Variants in UIMC1 observed in about 807,000 individuals in gnomAD.
UIMC1 encodes BRCA1-A complex subunit RAP80.
Under a neutral mutation model 84.9 loss-of-function variants are expected in UIMC1, and 42 were observed. That is an observed-to-expected ratio of 0.49 (90% CI 0.39 to 0.64). The LOEUF (loss-of-function observed/expected upper bound fraction) is 0.64. UIMC1 is among the 30% of genes least tolerant of loss of function. The pLI is 0.00. For synonymous variants in UIMC1, 281 were observed against 293.0 expected, an observed-to-expected ratio of 0.96 and a Z score of 0.42; for missense variants, 825 against 847.6, an observed-to-expected ratio of 0.97 and a Z score of 0.33.
At chr5:176,988,679 ATTTT>A (rs377752493) in intron 1 of UIMC1, among the ~76,000 whole-genome samples, 6 of 135,778 alleles carry the variant, frequency 4.4e-5, no homozygotes, top group African/African-American at 1.4e-4. Context: ...TGTTAGGTGA[ATTTT>A]TTTTTTTTTT....
intron 9 of UIMC1, among the ~76,000 whole-genome samples, chr5:176,944,768 G>C (rs1764876226): frequency 6.6e-6 from 1 of 152,140 alleles, no homozygotes; most frequent in Non-Finnish European, 1.5e-5. Context: ...TAAATACCAA[G>C]TCAAACTGCC....
intron 1 of UIMC1, among the ~76,000 whole-genome samples, chr5:177,016,811 T>C (rs565723180): frequency 8.3e-4 from 126 of 152,030 alleles, no homozygotes; most frequent in African/African-American, 3.0e-3. Flanking sequence ...TCACCTGAGG[T>C]CAGGAGTTCA....
At chr5:176,992,290 T>C (rs1254788999) in intron 1 of UIMC1, among the ~76,000 whole-genome samples, 1 of 152,158 alleles carries the variant, frequency 6.6e-6, no homozygotes, top group Non-Finnish European at 1.5e-5. Flanking sequence ...ATATTTTTTA[T>C]TGAATTCTCA....
chr5:176,939,489 A>C (rs899129309), intron 10 of UIMC1, among the ~76,000 whole-genome samples: 24 of 152,262 alleles, frequency 1.6e-4, no homozygotes, highest in Admixed American at 4.6e-4. Flanking sequence ...TATTTTTACT[A>C]TACCTTTTCT....
chr5:176,967,889 C>A (rs1171112269), intron 6 of UIMC1, among the ~76,000 whole-genome samples: 6 of 141,498 alleles, frequency 4.2e-5, no homozygotes, highest in African/African-American at 1.4e-4. Context: ...GGTGACAGAG[C>A]GAGACCTTGT....
intron 9 of UIMC1, among the ~76,000 whole-genome samples, chr5:176,945,131 A>G (rs929177988): frequency 1.3e-5 from 2 of 152,228 alleles, no homozygotes; most frequent in African/African-American, 4.8e-5. Context: ...TGTTTCTGGA[A>G]GCGGATCCTG....
intron 10 of UIMC1, among the ~76,000 whole-genome samples, chr5:176,936,708 C>T (rs1361433509): frequency 6.6e-6 from 1 of 152,128 alleles, no homozygotes; most frequent in Non-Finnish European, 1.5e-5. Flanking sequence ...ATTTATTGTT[C>T]CTTCTACCTG....
intron 8 of UIMC1, among the ~76,000 whole-genome samples, chr5:176,954,758 A>G (rs1766378141): frequency 6.6e-6 from 1 of 151,568 alleles, no homozygotes; most frequent in South Asian, 2.1e-4. Flanking sequence ...AAAAAAAAAA[A>G]AAAAAGAAAA....
At chr5:176,927,863 T>A (rs1009879566) in intron 10 of UIMC1, among the ~76,000 whole-genome samples, 1 of 151,534 alleles carries the variant, frequency 6.6e-6, no homozygotes. Flanking sequence ...TTTTTTTTTT[T>A]TTTTTGAGAC....
At chr5:176,952,421 T>C (rs995867938) in intron 8 of UIMC1, among the ~76,000 whole-genome samples, 1 of 152,186 alleles carries the variant, frequency 6.6e-6, no homozygotes, top group African/African-American at 2.4e-5. Flanking sequence ...TGGGGTCCCT[T>C]GTAGTCTAGT....
intron 8 of UIMC1, among the ~76,000 whole-genome samples, chr5:176,953,495 T>TACACAC (rs137955830): frequency 0.16 from 22,046 of 136,836 alleles, 1,954 homozygotes; most frequent in Middle Eastern, 0.26. Context: ...ACTGGACACA[T>TACACAC]ACACACACAC....
chr5:176,945,867 T>C (rs543715054), intron 9 of UIMC1, among the ~76,000 whole-genome samples: 6 of 152,226 alleles, frequency 3.9e-5, no homozygotes, highest in Non-Finnish European at 8.8e-5. Flanking sequence ...TTGCTAATCA[T>C]AGGTTATGGA....
At chr5:176,954,284 C>A (rs1363202326) in intron 8 of UIMC1, among the ~76,000 whole-genome samples, 2 of 152,152 alleles carry the variant, frequency 1.3e-5, no homozygotes, top group African/African-American at 4.8e-5. Flanking sequence ...AGTCAGTAGT[C>A]CCAGACAGAG....
At position 176,965,959 on chromosome 5, in the gene UIMC1, G is replaced by A. The variant is rs140925640; in HGVS notation, c.1200+2596C>T. ...AGAAGCAGCATCTCCGAATTGGAAAGAACAAACTAAACATTTATCATAAGC... is the reference window on the plus strand; with the variant it reads ...AGAAGCAGCATCTCCGAATTGGAAAAAACAAACTAAACATTTATCATAAGC... On this transcript the variant is annotated intron_variant, in intron 6 of 14. Transcript: ENST00000511320. Among the ~76,000 whole-genome samples, 740 of 152,270 alleles carry A rather than the reference G, an allele frequency of 4.9e-3. 8 individuals are homozygous for A. The highest frequency in any genetic ancestry group is 0.017 in the African/African-American group (708 of 41,566).
At chr5:176,984,295 G>A (rs1482047540) in intron 1 of UIMC1, among the ~76,000 whole-genome samples, 2 of 110,910 alleles carry the variant, frequency 1.8e-5, no homozygotes, top group Non-Finnish European at 2.0e-5. Context: ...TCTGCCGGCC[G>A]CCACCCCGTC....
At chr5:176,974,522 G>C (rs921488540) in intron 3 of UIMC1, among the ~76,000 whole-genome samples, 1 of 152,198 alleles carries the variant, frequency 6.6e-6, no homozygotes, top group East Asian at 1.9e-4. Context: ...AACCATAAAA[G>C]AGAAAAAAAT....
At chr5:176,996,220 G>A (rs554134412) in intron 1 of UIMC1, among the ~76,000 whole-genome samples, 83 of 152,210 alleles carry the variant, frequency 5.5e-4, no homozygotes, top group African/African-American at 1.9e-3. Context: ...CTACCTGTAT[G>A]AAACTAGAAA....
chr5:177,019,081 A>T (rs1339828787), intron 1 of UIMC1, among the ~76,000 whole-genome samples: 1 of 152,138 alleles, frequency 6.6e-6, no homozygotes, highest in Admixed American at 6.5e-5. Context: ...CCCGTCTCTA[A>T]AAGTAAATAA....
chr5:176,970,606 A>C (rs559964427), intron 4 of UIMC1, 136 bp downstream of exon 4: 51 of 1,421,314 alleles, frequency 3.6e-5, no homozygotes, highest in Middle Eastern at 1.8e-4. Context: ...AGACTTTAAA[A>C]AATTACTATG....
Sources: allele counts gnomAD v4.1 joint callset (sites outside exome capture counted in the v4.1 genomes callset), GRCh38; gene constraint gnomAD v4.1.1; transcripts MANE v1.5; gene names NCBI Gene and HGNC (gene_info 2026-07-23, HGNC 2026-07-21).